Variants in NOS1 observed in about 807,000 individuals in gnomAD.
NOS1 encodes the protein nitric oxide synthase 1, also known as NOS type I.
NOS1 carries 51 observed loss-of-function variants against 164.5 expected under a neutral mutation model. The observed-to-expected ratio is 0.31, with a 90% CI of 0.25 to 0.39. The LOEUF (loss-of-function observed/expected upper bound fraction) is 0.39. NOS1 is among the 10% of genes least tolerant of loss of function. The pLI is 1.00. For missense variants in NOS1, 1,362 were observed against 1,885.6 expected, an observed-to-expected ratio of 0.72 and a Z score of 5.14; for synonymous variants, 719 against 745.8, an observed-to-expected ratio of 0.96 and a Z score of 0.59.
chr12:117,247,265 T>C, intron 18 of NOS1, 83 bp downstream of exon 18: 1 of 1,186,266 alleles, frequency 8.4e-7, no homozygotes, highest in East Asian at 2.5e-5. Flanking sequence ...CTCAAGTTTA[T>C]TCTCTTCTTG....
At position 117,306,723 on chromosome 12, in the gene NOS1, A is replaced by C. The variant is rs142803972; in HGVS notation, c.852+4743T>G. On this transcript the variant is annotated intron_variant, in intron 3 of 28. Coordinates refer to ENST00000317775, the MANE Select transcript of NOS1 (RefSeq NM_000620.5). The stretch of plus-strand genomic sequence containing the variant: ...CAACCTCCACCTCCCAGGTTCAAGC[A>C]ATTCTCCCACCTCAGCCTCCTGAGT... Among the ~76,000 whole-genome samples the C allele has an allele frequency of 2.9e-3, 444 of 151,822 alleles. 14 individuals are homozygous for C. In the East Asian group the frequency reaches 0.075, roughly 26 times the overall value.
intron 7 of NOS1, among the ~76,000 whole-genome samples, chr12:117,282,665 A>G (rs1873771681): frequency 6.6e-6 from 1 of 152,116 alleles, no homozygotes; most frequent in African/African-American, 2.4e-5. Flanking sequence ...GGAGGCCAAA[A>G]TCACATAGAG....
chr12:117,250,488 G>A (rs73401892), intron 17 of NOS1, among the ~76,000 whole-genome samples: 5,444 of 151,766 alleles, frequency 0.036, 290 homozygotes, highest in African/African-American at 0.12. Context: ...ATAACCACGC[G>A]TGGCTAATTT....
chr12:117,347,196 A>C (rs138235171), intron 1 of NOS1, among the ~76,000 whole-genome samples: 1,659 of 152,208 alleles, frequency 0.011, 27 homozygotes, highest in African/African-American at 0.037. Context: ...CTGAGGCAGA[A>C]GAATTGCTTG....
At chr12:117,316,582 T>G (rs530145396) in intron 2 of NOS1, among the ~76,000 whole-genome samples, 2 of 152,134 alleles carry the variant, frequency 1.3e-5, no homozygotes, top group African/African-American at 4.8e-5. Context: ...TAACTAAACA[T>G]GAGTGATGTA....
chr12:117,260,405 C>T, intron 14 of NOS1, 60 bp downstream of exon 14: 1 of 1,589,800 alleles, frequency 6.3e-7, no homozygotes, highest in Non-Finnish European at 8.6e-7. Context: ...TTCCCTCTCT[C>T]CCCTTCCTGC....
chr12:117,210,960 A>AT lies in NOS1; in HGVS notation c.*4348dup, dbSNP rs1348174845. 7 of 961,058 alleles carry AT rather than the reference A, an allele frequency of 7.3e-6. No homozygotes were observed. The African/African-American group carries it at 1.1e-4, about 15-fold the overall frequency. The allele number at this position is 961,058 out of a possible 1,614,324, so 59.5% of individuals were successfully genotyped here. On this transcript the variant is annotated 3_prime_UTR_variant, in exon 29 of 29. Transcript: ENST00000317775. ...AAGATGTTTTATTTTATTTTATTTT[A>AT]TTTTATTTTTTTTGAGATAAGAGTC...
In NOS1 at chr12:117,331,354, C is replaced by T; in HGVS notation, c.-285G>A. The T allele has an allele frequency of 4.6e-6, 2 of 436,040 alleles. No individual in the cohort carries two copies. Among genetic ancestry groups the T allele is most frequent in the South Asian group, 3.4e-5 (1 of 29,478 alleles). The allele number at this position is 436,040 out of a possible 1,614,324, so 27.0% of individuals were successfully genotyped here. A position where few individuals can be genotyped will look rare whatever the true frequency, so the allele number is the denominator to read the frequency against. On this transcript the variant is annotated 5_prime_UTR_variant, in exon 2 of 29. Coordinates refer to ENST00000317775, the MANE Select transcript of NOS1 (RefSeq NM_000620.5). ...GTCAAGAGAGGCGGTGGGACGTGTC[C>T]CTAAGGTCAGGCAGAAAGGGGAGGA...
intron 2 of NOS1, among the ~76,000 whole-genome samples, chr12:117,324,784 C>T (rs1875162325): frequency 6.6e-6 from 1 of 151,844 alleles, no homozygotes; most frequent in Non-Finnish European, 1.5e-5. Flanking sequence ...TTGGGATTCA[C>T]TATCTGCCTT....
chr12:117,228,655 T>C (rs1868913676), intron 22 of NOS1, among the ~76,000 whole-genome samples: 1 of 152,212 alleles, frequency 6.6e-6, no homozygotes, highest in Non-Finnish European at 1.5e-5. Flanking sequence ...CCCTAGGCAG[T>C]CTCTGATTGC....
intron 11 of NOS1, among the ~76,000 whole-genome samples, 167 bp downstream of exon 11, chr12:117,267,876 C>A (rs910769828): frequency 6.6e-6 from 1 of 152,184 alleles, no homozygotes; most frequent in African/African-American, 2.4e-5. Flanking sequence ...CCAAGATCCA[C>A]ACTGGAGAGG....
At chr12:117,269,957 C>T (rs1872683451) in intron 10 of NOS1, among the ~76,000 whole-genome samples, 1 of 152,150 alleles carries the variant, frequency 6.6e-6, no homozygotes, top group Non-Finnish European at 1.5e-5. Flanking sequence ...CAGAGAGGTG[C>T]CTGGACTTGT....
chr12:117,210,418 C>G lies in NOS1; in HGVS notation c.*4891G>C. On this transcript the variant is annotated 3_prime_UTR_variant, in exon 29 of 29. Transcript: ENST00000317775. ...CTTCCTGGCAGTCTCAGACTACATTCCTGATACAGACAGAAGGCTTTGAGG... is the reference window on the plus strand; with the variant it reads ...CTTCCTGGCAGTCTCAGACTACATTGCTGATACAGACAGAAGGCTTTGAGG... 1.0e-6 allele frequency: 1 copy of G among 985,436 alleles called. No homozygotes were observed. The highest frequency in any genetic ancestry group is 1.2e-6 in the Non-Finnish European group (1 of 829,968). 61.0% of individuals were successfully genotyped at this position (985,436 alleles called of 1,614,324 possible).
chr12:117,215,000 G>A lies in NOS1; in HGVS notation c.*309C>T. 1 of 1,140,892 alleles carries A rather than the reference G, an allele frequency of 8.8e-7. No homozygotes were observed. The highest frequency in any genetic ancestry group is 1.1e-6 in the Non-Finnish European group (1 of 930,944). The allele number at this position is 1,140,892 out of a possible 1,614,324, so 70.7% of individuals were successfully genotyped here. ...AACCCCAGAGAAAAAAACCCCCACA[G>A]CGACGGCCATGTTCCAGTGGTTTCA... On this transcript the variant is annotated 3_prime_UTR_variant, in exon 29 of 29. Transcript: ENST00000317775.
At chr12:117,259,223 G>T in intron 14 of NOS1, 93 bp from the exon 15 acceptor site, 1 of 791,014 alleles carries the variant, frequency 1.3e-6, no homozygotes, top group Non-Finnish European at 2.1e-6. Context: ...ATGGGGGAAG[G>T]GCAAGAGGAG....
At chr12:117,216,518 C>T (rs966382372) in intron 28 of NOS1, among the ~76,000 whole-genome samples, 3 of 151,492 alleles carry the variant, frequency 2.0e-5, no homozygotes, top group Non-Finnish European at 4.4e-5. Flanking sequence ...TGCTCTGTTG[C>T]CTAGGCTGGG....
At chr12:117,217,637 G>A (rs1465894712) in intron 28 of NOS1, among the ~76,000 whole-genome samples, 1 of 151,962 alleles carries the variant, frequency 6.6e-6, no homozygotes, top group Middle Eastern at 3.2e-3. Flanking sequence ...CCTAGGAGGT[G>A]GAGGATGCAG....
chr12:117,219,370 G>A (rs955956255), intron 27 of NOS1, among the ~76,000 whole-genome samples: 3 of 151,536 alleles, frequency 2.0e-5, no homozygotes, highest in South Asian at 2.1e-4. Context: ...GCAATGACAC[G>A]ATCTTGGCTC....
At chr12:117,264,245 CCCCTG>C (rs1872185236) in intron 12 of NOS1, among the ~76,000 whole-genome samples, 1 of 151,952 alleles carries the variant, frequency 6.6e-6, no homozygotes, top group African/African-American at 2.4e-5. Flanking sequence ...GTTCTTGTGA[CCCCTG>C]ACTACTCACT....
Sources: gnomAD v4.1 joint callset for allele counts (sites outside exome capture counted in the v4.1 genomes callset) on GRCh38, gnomAD v4.1.1 for gene constraint, MANE v1.5 for transcripts, NCBI Gene and HGNC (gene_info 2026-07-23, HGNC 2026-07-21) for gene names.